MET: variants seen among roughly 807,000 people sequenced by gnomAD.
The protein encoded by MET is MET proto-oncogene, receptor tyrosine kinase, also known as hepatocyte growth factor receptor.
A neutral mutation model predicts 133.1 loss-of-function variants in MET; 48 were observed. That is an observed-to-expected ratio of 0.36 (90% CI 0.29 to 0.46). The LOEUF is 0.46. MET is among the 20% of genes least tolerant of loss of function. MET has a pLI of 1.00. For missense variants in MET, 1,442 were observed against 1,695.9 expected, an observed-to-expected ratio of 0.85 and a Z score of 2.63; for synonymous variants, 628 against 616.5, an observed-to-expected ratio of 1.02 and a Z score of -0.28.
rs1432931968 is a variant in MET at position 116,741,045 on chromosome 7, G to A, written c.1701+20G>A. 1 of 1,610,166 alleles carries A rather than the reference G, an allele frequency of 6.2e-7. No homozygotes were observed. Among genetic ancestry groups the A allele is most frequent in the Non-Finnish European group, 8.5e-7 (1 of 1,178,988 alleles). On this transcript the variant is annotated intron_variant, in intron 5 of 20. Coordinates refer to ENST00000397752, the MANE Select transcript of MET (RefSeq NM_000245.4). Reference sequence around the variant, plus strand: ...TACAAGGTAGGAATCTCTAACAGCTGGCATACATGTTTTTGTTTGGTGTTT... The same window carrying A: ...TACAAGGTAGGAATCTCTAACAGCTAGCATACATGTTTTTGTTTGGTGTTT...
At chr7:116,793,306 C>T (rs1195406147) in intron 19 of MET, among the ~76,000 whole-genome samples, 1 of 152,014 alleles carries the variant, frequency 6.6e-6, no homozygotes, top group Non-Finnish European at 1.5e-5. Context: ...TCCCAAGTAG[C>T]TGGGATTACA....
rs374383028 is a variant in MET, at chr7:116,796,008, A to G, written c.4057A>G (p.Asn1353Asp). Residue 1353 changes from asparagine (N) to aspartate (D), a missense_variant, in exon 21 of 21, where the codon AAC becomes GAC. By Grantham distance (23) the Asn-to-Asp change is conservative. Coordinates refer to ENST00000397752, the MANE Select transcript of MET (RefSeq NM_000245.4). ...TFIGEHYVHV[N>D]ATYVNVKCVA... ...CATTGGGGAGCACTATGTCCATGTG[A>G]ACGCTACTTATGTGAACGTAAAATG... 2.6e-5 allele frequency: 42 copies of G among 1,613,838 alleles called. No homozygotes were observed. Among genetic ancestry groups the G allele is most frequent in the Non-Finnish European group, 3.5e-5 (41 of 1,179,888 alleles).
chr7:116,755,040 GA>G (rs66849348), intron 5 of MET, among the ~76,000 whole-genome samples: 200 of 39,318 alleles, frequency 5.1e-3, no homozygotes, highest in African/African-American at 0.013. Context: ...AAGAAAGAAA[GA>G]AAAGAAAGAA....
chr7:116,689,595 G>T, intron 1 of MET, among the ~76,000 whole-genome samples: 1 of 126,662 alleles, frequency 7.9e-6, no homozygotes, highest in South Asian at 2.6e-4. Flanking sequence ...TTGAGACAGA[G>T]TCTGGCTCTG....
intron 2 of MET, among the ~76,000 whole-genome samples, chr7:116,723,576 A>G (rs1368842975): frequency 6.6e-6 from 1 of 151,864 alleles, no homozygotes; most frequent in Non-Finnish European, 1.5e-5. Flanking sequence ...TAGAGTTTCC[A>G]GTTTTTCTGT....
chr7:116,692,404 T>C (rs1021320595), intron 1 of MET, among the ~76,000 whole-genome samples: 1 of 152,226 alleles, frequency 6.6e-6, no homozygotes, highest in Non-Finnish European at 1.5e-5. Context: ...TTGCCTCTGT[T>C]GGGTTTTTTC....
intron 1 of MET, among the ~76,000 whole-genome samples, chr7:116,673,944 G>C (rs1290879909): frequency 6.6e-6 from 1 of 152,188 alleles, no homozygotes; most frequent in African/African-American, 2.4e-5. Context: ...CTGAATAACA[G>C]AGGGAAAATT....
Position 116,771,832 on chromosome 7 carries a change from T to G in MET, c.2888-17T>G, listed in dbSNP as rs767063578. 4 of 1,613,600 alleles carry G rather than the reference T, an allele frequency of 2.5e-6. No homozygotes were observed. The highest frequency in any genetic ancestry group is 3.4e-6 in the Non-Finnish European group (4 of 1,179,774). On this transcript the variant is annotated splice_polypyrimidine_tract_variant and intron_variant, in intron 13 of 20. Transcript: ENST00000397752. Reference sequence around the variant, plus strand: ...ATAGCCGTCTTTAACAAGCTCTTTCTTTCTCTCTGTTTTAAGATCTGGGCA... The same window carrying G: ...ATAGCCGTCTTTAACAAGCTCTTTCGTTCTCTCTGTTTTAAGATCTGGGCA...
chr7:116,689,218 C>T (rs1796685156), intron 1 of MET, among the ~76,000 whole-genome samples: 1 of 152,114 alleles, frequency 6.6e-6, no homozygotes, highest in African/African-American at 2.4e-5. Flanking sequence ...AACCACCTGC[C>T]AGGAACTTTT....
At position 116,797,294 on chromosome 7, in the gene MET, C is replaced by A. The variant is rs1183914142; in HGVS notation, c.*1170C>A. 8.9e-6 allele frequency: 2 copies of A among 223,846 alleles called. No homozygotes were observed. Among genetic ancestry groups the A allele is most frequent in the Non-Finnish European group, 1.8e-5 (2 of 113,048 alleles). The allele number at this position is 223,846 out of a possible 1,614,324, so 13.9% of individuals were successfully genotyped here. On this transcript the variant is annotated 3_prime_UTR_variant, in exon 21 of 21. Transcript: ENST00000397752. ...AAAGGTTCATTGGTTCCAATCACAG[C>A]TCATAGGTAGAGCAAAGAAAGGGTG...
chr7:116,731,930 C>A (rs1793025135), intron 3 of MET, 71 bp downstream of exon 3: 1 of 1,499,032 alleles, frequency 6.7e-7, no homozygotes, highest in South Asian at 1.1e-5. Context: ...TTCGTTTTTG[C>A]AGTAAGGTAT....
chr7:116,716,333 G>C (rs1792203074), intron 2 of MET, among the ~76,000 whole-genome samples: 1 of 125,764 alleles, frequency 8.0e-6, no homozygotes, highest in African/African-American at 3.2e-5. Flanking sequence ...GAGAGAGAGA[G>C]AGAGAAAAGA....
At chr7:116,679,019 T>C (rs1343017179) in intron 1 of MET, among the ~76,000 whole-genome samples, 1 of 152,198 alleles carries the variant, frequency 6.6e-6, no homozygotes, top group African/African-American at 2.4e-5. Flanking sequence ...GTTTGAATGA[T>C]GCAATGTGAA....
Position 116,709,657 on chromosome 7 carries a change from C to T in MET, c.1200+9373C>T, listed in dbSNP as rs541657543. Among the ~76,000 whole-genome samples, 11 of 152,114 alleles carry T rather than the reference C, an allele frequency of 7.2e-5. No homozygotes were observed. In the South Asian group the frequency reaches 2.3e-3, roughly 32 times the overall value. On this transcript the variant is annotated intron_variant, in intron 2 of 20. Coordinates refer to ENST00000397752, the MANE Select transcript of MET (RefSeq NM_000245.4). ...CAAGTCAGAGAGGTCACTGGCTTGCCCCTTCCTGAAGGCTGTAATTACAGG... is the reference window on the plus strand; with the variant it reads ...CAAGTCAGAGAGGTCACTGGCTTGCTCCTTCCTGAAGGCTGTAATTACAGG...
intron 2 of MET, among the ~76,000 whole-genome samples, chr7:116,703,067 T>A (rs1791638688): frequency 6.6e-6 from 1 of 152,184 alleles, no homozygotes; most frequent in Non-Finnish European, 1.5e-5. Flanking sequence ...TTTGAGTCAT[T>A]TGATAATTCC....
At chr7:116,757,284 T>C (rs1420587961) in intron 6 of MET, among the ~76,000 whole-genome samples, 153 bp from the exon 7 acceptor site, 1 of 152,146 alleles carries the variant, frequency 6.6e-6, no homozygotes, top group Non-Finnish European at 1.5e-5. Context: ...AATAGGATTA[T>C]ATAATTTTTG....
intron 5 of MET, among the ~76,000 whole-genome samples, chr7:116,744,560 T>G (rs982359583): frequency 1.3e-5 from 2 of 152,020 alleles, no homozygotes; most frequent in African/African-American, 4.8e-5. Flanking sequence ...AAACCTACAT[T>G]TGATTGGTGT....
intron 1 of MET, among the ~76,000 whole-genome samples, chr7:116,686,888 C>T (rs1448753961): frequency 6.6e-6 from 1 of 152,212 alleles, no homozygotes; most frequent in Admixed American, 6.5e-5. Context: ...CTCAGCTGCA[C>T]CTGAGCAGCT....
At chr7:116,685,359 C>T (rs550286635) in intron 1 of MET, among the ~76,000 whole-genome samples, 3 of 152,288 alleles carry the variant, frequency 2.0e-5, no homozygotes, top group African/African-American at 2.4e-5. Flanking sequence ...ACTGCATGCC[C>T]GGCATCTCCA....
Sources: allele counts gnomAD v4.1 joint callset (sites outside exome capture counted in the v4.1 genomes callset), GRCh38; gene constraint gnomAD v4.1.1; transcripts MANE v1.5; gene names NCBI Gene and HGNC (gene_info 2026-07-23, HGNC 2026-07-21).